Variants in TAF1B observed in about 807,000 individuals in gnomAD.
TAF1B encodes TATA box-binding protein-associated factor RNA polymerase I subunit B.
A neutral mutation model predicts 83.9 loss-of-function variants in TAF1B; 61 were observed. The ratio of observed to expected loss-of-function variants is 0.73; its 90% CI spans 0.59 to 0.90. The LOEUF is 0.90. Ranked by LOEUF, TAF1B falls within the 40% of genes least tolerant of loss-of-function variation. The probability of loss-of-function intolerance (pLI) is 0.00; values close to 1 mark genes in which losing one functional copy is unlikely to be tolerated. For missense variants in TAF1B, 625 were observed against 677.0 expected (o/e 0.92, Z 0.85); for synonymous variants, 221 against 224.6 (o/e 0.98, Z 0.14).
At chr2:9,843,655 C>T (rs1663096390) in intron 1 of TAF1B, 96 bp downstream of exon 1, 5 of 1,316,608 alleles carry the variant, frequency 3.8e-6, no homozygotes, top group Non-Finnish European at 5.0e-6. Context: ...GTTGGGGCGG[C>T]GACGCCACCG....
intron 14 of TAF1B, among the ~76,000 whole-genome samples, chr2:9,923,449 C>T (rs888368322): frequency 1.1e-4 from 17 of 151,958 alleles, no homozygotes; most frequent in African/African-American, 3.6e-4. Flanking sequence ...GAGGCCAAGG[C>T]GGGCAGATCA....
At chr2:9,848,257 A>G (rs888932572) in intron 2 of TAF1B, among the ~76,000 whole-genome samples, 1 of 152,230 alleles carries the variant, frequency 6.6e-6, no homozygotes, top group African/African-American at 2.4e-5. Context: ...TGGTAGAGAC[A>G]TTTCTTTTAT....
chr2:9,892,015 C>T (rs1214774777), intron 8 of TAF1B, among the ~76,000 whole-genome samples: 2 of 152,164 alleles, frequency 1.3e-5, no homozygotes, highest in African/African-American at 4.8e-5. Context: ...ATATTGTAAG[C>T]CTTCACATTC....
chr2:9,851,424 A>C (rs1663386283), intron 3 of TAF1B, 117 bp from the exon 4 acceptor site: 1 of 737,750 alleles, frequency 1.4e-6, no homozygotes, highest in Non-Finnish European at 2.1e-6. Flanking sequence ...TTCTGGGTTA[A>C]TTGAAAAAAA....
At chr2:9,929,195 G>C (rs1284397646) in intron 14 of TAF1B, among the ~76,000 whole-genome samples, 1 of 148,720 alleles carries the variant, frequency 6.7e-6, no homozygotes, top group East Asian at 1.9e-4. Context: ...GTCTCGCTCT[G>C]TCGCCCAGGC....
intron 5 of TAF1B, among the ~76,000 whole-genome samples, chr2:9,865,140 A>G (rs1191006448): frequency 6.6e-6 from 1 of 152,214 alleles, no homozygotes; most frequent in African/African-American, 2.4e-5. Context: ...GGAAAAGAGG[A>G]AGTCAAATTG....
At chr2:9,889,133 A>C (rs1280576911) in intron 8 of TAF1B, among the ~76,000 whole-genome samples, 1 of 151,414 alleles carries the variant, frequency 6.6e-6, no homozygotes, top group Non-Finnish European at 1.5e-5. Flanking sequence ...CCTTAGATTT[A>C]TGGGTGTGCA....
chr2:9,931,972 G>A (rs892330481), intron 14 of TAF1B, among the ~76,000 whole-genome samples: 3 of 152,122 alleles, frequency 2.0e-5, no homozygotes, highest in Admixed American at 6.5e-5. Context: ...ATTGAAGCTT[G>A]TGCATGTGTC....
rs554190937 is a variant in TAF1B at position 9,854,571 on chromosome 2, G to A, written c.399+150G>A. The A allele has an allele frequency of 2.9e-4, 162 of 566,252 alleles. 1 individual carries two copies. The highest frequency in any genetic ancestry group is 4.7e-4 in the Non-Finnish European group (150 of 322,422). The allele number at this position is 566,252 out of a possible 1,614,324, so 35.1% of individuals were successfully genotyped here. ...AGGCTTCTGTTACAGTCTAGAGGAC[G>A]GGGTCACTGATTTAAACGTTGGAAT... is the stretch of plus-strand genomic sequence containing the variant. On this transcript the variant is annotated intron_variant, in intron 5 of 14. Coordinates refer to ENST00000263663, the MANE Select transcript of TAF1B (RefSeq NM_005680.3).
intron 1 of TAF1B, among the ~76,000 whole-genome samples, chr2:9,844,921 C>T (rs1663153461): frequency 6.6e-6 from 1 of 152,180 alleles, no homozygotes; most frequent in Non-Finnish European, 1.5e-5. Context: ...GTCATCTTCT[C>T]ACAGTATTTT....
At chr2:9,904,793 A>G in intron 8 of TAF1B, 66 bp from the exon 9 acceptor site, 1 of 1,472,886 alleles carries the variant, frequency 6.8e-7, no homozygotes, top group Non-Finnish European at 9.3e-7. Flanking sequence ...TCTAAATCAG[A>G]ACATATTTTT....
intron 2 of TAF1B, among the ~76,000 whole-genome samples, chr2:9,847,546 T>C (rs59288259): frequency 0.24 from 36,682 of 151,978 alleles, 5,070 homozygotes; most frequent in East Asian, 0.31. Flanking sequence ...CCCTCTTCCT[T>C]GGCATGTAAC....
Position 9,934,029 on chromosome 2 carries a change from A to C in TAF1B, c.*45A>C. ...TCTGGAAAAATATTTTAATAGTGAT[A>C]ATAACATCAGATTTTAATATAACAT... is the stretch of plus-strand genomic sequence containing the variant. On this transcript the variant is annotated 3_prime_UTR_variant, in exon 15 of 15. Coordinates refer to ENST00000263663, the MANE Select transcript of TAF1B (RefSeq NM_005680.3). 2 of 1,413,514 alleles carry C rather than the reference A, an allele frequency of 1.4e-6. No homozygotes were observed. Among genetic ancestry groups the C allele is most frequent in the Non-Finnish European group, 1.9e-6 (2 of 1,037,198 alleles). 87.6% of individuals were successfully genotyped at this position (1,413,514 alleles called of 1,614,324 possible). A position where few individuals can be genotyped will look rare whatever the true frequency, so the allele number is the denominator to read the frequency against.
intron 14 of TAF1B, among the ~76,000 whole-genome samples, chr2:9,923,375 A>G (rs1208910118): frequency 6.6e-6 from 1 of 152,050 alleles, no homozygotes; most frequent in Admixed American, 6.6e-5. Context: ...TGCATCTACA[A>G]CGATTAAAGA....
intron 8 of TAF1B, among the ~76,000 whole-genome samples, chr2:9,891,901 A>G (rs539093420): frequency 6.6e-6 from 1 of 152,372 alleles, no homozygotes; most frequent in African/African-American, 2.4e-5. Context: ...TTAAGTTTAT[A>G]TAGAAAAGAT....
At chr2:9,913,024 C>G (rs1161239329) in intron 11 of TAF1B, 135 bp from the exon 12 acceptor site, 3 of 637,030 alleles carry the variant, frequency 4.7e-6, no homozygotes, top group Non-Finnish European at 8.0e-6. Flanking sequence ...TCTGTTGTCT[C>G]TCTAATGTCT....
chr2:9,923,832 G>T (rs1460682888), intron 14 of TAF1B, among the ~76,000 whole-genome samples: 1 of 152,210 alleles, frequency 6.6e-6, no homozygotes, highest in Admixed American at 6.5e-5. Flanking sequence ...CTGAAGAGGA[G>T]AAAGAGTTAT....
chr2:9,850,776 A>G (rs952704854), intron 3 of TAF1B, among the ~76,000 whole-genome samples: 1 of 152,174 alleles, frequency 6.6e-6, no homozygotes, highest in African/African-American at 2.4e-5. Context: ...TTGTCATTAA[A>G]CATGTAACTC....
chr2:9,882,309 A>C (rs1664533119), intron 7 of TAF1B, among the ~76,000 whole-genome samples: 1 of 152,152 alleles, frequency 6.6e-6, no homozygotes, highest in Admixed American at 6.6e-5. Flanking sequence ...CATATTGGCC[A>C]GGCTGGTCTC....
Sources: allele counts gnomAD v4.1 joint callset (sites outside exome capture counted in the v4.1 genomes callset), GRCh38; gene constraint gnomAD v4.1.1; transcripts MANE v1.5; gene names NCBI Gene and HGNC (gene_info 2026-07-23, HGNC 2026-07-21).